SSX2IP: variants seen among roughly 807,000 people sequenced by gnomAD.
The protein encoded by SSX2IP is SSX family member 2 interacting protein, also known as afadin- and alpha-actinin-binding protein.
In SSX2IP, 55 loss-of-function variants were observed where a neutral mutation model predicts 84.9. The observed-to-expected ratio is 0.65, with a 90% CI of 0.52 to 0.81. SSX2IP has a LOEUF of 0.81. Ranked by LOEUF, SSX2IP falls within the 30% of genes least tolerant of loss-of-function variation. The pLI is 0.00. For synonymous variants in SSX2IP, 239 were observed against 234.7 expected (o/e 1.02, Z -0.17); for missense variants, 664 against 705.2 (o/e 0.94, Z 0.66).
chr1:84,652,808 G>A (rs1402424893), intron 11 of SSX2IP, among the ~76,000 whole-genome samples: 2 of 151,812 alleles, frequency 1.3e-5, no homozygotes, highest in Non-Finnish European at 2.9e-5. Context: ...GGTGGATCAC[G>A]AGGTCAGGAG....
chr1:84,679,238 A>T (rs1201084962), intron 1 of SSX2IP, among the ~76,000 whole-genome samples: 1 of 152,254 alleles, frequency 6.6e-6, no homozygotes, highest in East Asian at 1.9e-4. Flanking sequence ...TGATTTTGTT[A>T]TAAAGGAGAC....
chr1:84,689,849 T>C lies in SSX2IP; in HGVS notation c.-90+522A>G, dbSNP rs574915982. Among the ~76,000 whole-genome samples the C allele has an allele frequency of 8.5e-5, 13 of 152,338 alleles. 3 individuals carry two copies. In the South Asian group the frequency reaches 2.5e-3, roughly 29 times the overall value. On this transcript the variant is annotated intron_variant, in intron 1 of 13. Coordinates refer to ENST00000342203, the MANE Select transcript of SSX2IP (RefSeq NM_001166293.2). ...TGATGTAAATTCTTCCCCTAGACTTTTTACTAGACCACTATCGGGGTTCTC... is the reference window on the plus strand; with the variant it reads ...TGATGTAAATTCTTCCCCTAGACTTCTTACTAGACCACTATCGGGGTTCTC...
intron 8 of SSX2IP, among the ~76,000 whole-genome samples, chr1:84,658,827 G>C (rs1236483613): frequency 6.6e-6 from 1 of 152,198 alleles, no homozygotes; most frequent in Non-Finnish European, 1.5e-5. Flanking sequence ...TTACAACTAA[G>C]AGGCAGAACT....
intron 1 of SSX2IP, among the ~76,000 whole-genome samples, chr1:84,689,725 C>A (rs1656315161): frequency 6.6e-6 from 1 of 152,202 alleles, no homozygotes; most frequent in Non-Finnish European, 1.5e-5. Context: ...AGGGAGCTCA[C>A]AATTCAGTTT....
rs767782333 is a variant in SSX2IP, at chr1:84,650,371, G to C, written c.1661C>G (p.Ser554Cys). ...ACCTATAGACAAATACCTATGTTCAGATATGCAGGAACGTGTCTGGCAAAA... is the reference window on the plus strand; with the variant it reads ...ACCTATAGACAAATACCTATGTTCACATATGCAGGAACGTGTCTGGCAAAA... ...SDFCQTRSCI[S>C]EHSSINVLNI... The change falls in exon 13 of 14, where the codon TCT (serine) becomes TGT (cysteine). Residue 554 changes from serine (S) to cysteine (C), a missense_variant. Coordinates refer to ENST00000342203, the MANE Select transcript of SSX2IP (RefSeq NM_001166293.2). 13 of 1,614,170 alleles carry C rather than the reference G, an allele frequency of 8.1e-6. No individual in the cohort carries two copies. The highest frequency in any genetic ancestry group is 1.1e-5 in the Non-Finnish European group (13 of 1,180,024).
At position 84,660,791 on chromosome 1, in the gene SSX2IP, G is replaced by A. The variant is rs187477652; in HGVS notation, c.927+1407C>T. On this transcript the variant is annotated intron_variant, in intron 8 of 13. Transcript: ENST00000342203. Reference sequence around the variant, plus strand: ...AAAAAGGCCAGACGCAGTGGCTGACGCCTGTAATCCTAGCACTTTGGGAGG... The same window carrying A: ...AAAAAGGCCAGACGCAGTGGCTGACACCTGTAATCCTAGCACTTTGGGAGG... Among the ~76,000 whole-genome samples the A allele has an allele frequency of 1.3e-3, 198 of 150,138 alleles. 1 individual carries two copies. In the Middle Eastern group the frequency reaches 0.014, roughly 11 times the overall value.
At chr1:84,660,895 C>CAAAAAA (rs11362631) in intron 8 of SSX2IP, among the ~76,000 whole-genome samples, 19 of 98,044 alleles carry the variant, frequency 1.9e-4, no homozygotes, top group Non-Finnish European at 2.9e-4. Flanking sequence ...TACTAAAATA[C>CAAAAAA]AAAAAAAAAA....
In SSX2IP at chr1:84,656,053, T is replaced by A. The variant is rs967254847; in HGVS notation, c.1216-48A>T. The A allele has an allele frequency of 5.3e-6, 8 of 1,509,446 alleles. No homozygotes were observed. In the African/African-American group the frequency reaches 1.1e-4, roughly 21 times the overall value. 93.5% of individuals were successfully genotyped at this position (1,509,446 alleles called of 1,614,324 possible). On this transcript the variant is annotated intron_variant, in intron 10 of 13. Transcript: ENST00000342203. The stretch of plus-strand genomic sequence containing the variant: ...AAGTTCCTGAGGGACCTTGCGACAC[T>A]CCAACGAGTTGAAATGAAAGCAAGG...
Position 84,650,503 on chromosome 1 carries a change from A to G in SSX2IP, c.1529T>C (p.Val510Ala), listed in dbSNP as rs779757129. The G allele has an allele frequency of 5.0e-6, 8 of 1,614,190 alleles. No individual in the cohort carries two copies. The highest frequency in any genetic ancestry group is 6.8e-6 in the Non-Finnish European group (8 of 1,180,026). The change falls in exon 13 of 14, where the codon GTG becomes GCG. Residue 510 changes from valine (V) to alanine (A), a missense_variant. Val to Ala is a moderately conservative substitution (Grantham distance 64). Transcript: ENST00000342203. ...SGSSDWDNLI[V>A]HSRQPQKKPH... The stretch of plus-strand genomic sequence containing the variant: ...CTTCTTTTGCGGCTGCCTCGAGTGC[A>G]CTATAAGATTGTCCCAATCAGAACC...
chr1:84,662,637 G>A, intron 6 of SSX2IP, 107 bp from the exon 7 acceptor site: 1 of 1,215,702 alleles, frequency 8.2e-7, no homozygotes. Context: ...TGGTATATAG[G>A]TTAGGATTTG....
Position 84,670,777 on chromosome 1 carries a change from T to G in SSX2IP, c.82A>C (p.Met28Leu), listed in dbSNP as rs1350034007. 1.9e-6 allele frequency: 3 copies of G among 1,612,696 alleles called. No homozygotes were observed. Among genetic ancestry groups the G allele is most frequent in the African/African-American group, 1.3e-5 (1 of 74,896 alleles). The change falls in exon 3 of 14, where the codon ATG becomes CTG. Residue 28 changes from methionine to leucine, a missense_variant. Met to Leu is a conservative substitution (Grantham distance 15). Transcript: ENST00000342203. Reference protein sequence around the residue: ...TISQYTSETKMSPSSLYSQQV... With the variant: ...TISQYTSETKLSPSSLYSQQV... The stretch of plus-strand genomic sequence containing the variant: ...TGTGAGTATAAACTTGATGGAGACA[T>G]CTTTGTTTCTGAGGTATATTGAGAG...
chr1:84,671,943 C>T (rs1477643869), intron 1 of SSX2IP, among the ~76,000 whole-genome samples: 1 of 151,880 alleles, frequency 6.6e-6, no homozygotes, highest in Non-Finnish European at 1.5e-5. Flanking sequence ...ATCAAAAGAA[C>T]AAAAATAATG....
rs902612708 is a variant in SSX2IP at position 84,646,114 on chromosome 1, G to A, written c.*1319C>T. 6.6e-6 allele frequency: 1 copy of A among 152,608 alleles called. No homozygotes were observed. The highest frequency in any genetic ancestry group is 6.6e-5 in the Admixed American group (1 of 15,264). The allele number at this position is 152,608 out of a possible 1,614,324, so 9.5% of individuals were successfully genotyped here. Reference sequence around the variant, plus strand: ...TGTAAGCGGCTGAACTGCCAGTACAGGGGAAGGTAAATGGGCCTAAACTAT... The same window carrying A: ...TGTAAGCGGCTGAACTGCCAGTACAAGGGAAGGTAAATGGGCCTAAACTAT... On this transcript the variant is annotated 3_prime_UTR_variant, in exon 14 of 14. Transcript: ENST00000342203.
intron 10 of SSX2IP, 117 bp downstream of exon 10, chr1:84,656,231 G>C: frequency 5.4e-6 from 6 of 1,108,990 alleles, no homozygotes; most frequent in Non-Finnish European, 7.6e-6. Flanking sequence ...AGGGAACACA[G>C]ACTAGAAATC....
chr1:84,657,593 G>A (rs373507186), intron 9 of SSX2IP, among the ~76,000 whole-genome samples: 1 of 152,034 alleles, frequency 6.6e-6, no homozygotes, highest in Admixed American at 6.6e-5. Context: ...CTTTTTGGGG[G>A]GGAACAGGTG....
chr1:84,653,511 A>G (rs1290825525), intron 11 of SSX2IP, among the ~76,000 whole-genome samples: 2 of 152,202 alleles, frequency 1.3e-5, no homozygotes, highest in Non-Finnish European at 2.9e-5. Context: ...ATTCTCTTGC[A>G]GGGAAAGGCA....
Position 84,655,910 on chromosome 1 carries a change from G to T in SSX2IP, c.1311C>A (p.Ser437=), listed in dbSNP as rs1273727114. ...EEKERLKEEW[S]LFKEQKKNFE... is the part of the protein sequence containing the mutation. Reference sequence around the variant, plus strand: ...AATTCTTTTTCTGCTCTTTAAAAAGGGACCATTCTTCTTTGAGACGTTCCT... The same window carrying T: ...AATTCTTTTTCTGCTCTTTAAAAAGTGACCATTCTTCTTTGAGACGTTCCT... Residue 437 remains serine, a synonymous_variant, in exon 11 of 14, where the codon TCC becomes TCA. Coordinates refer to ENST00000342203, the MANE Select transcript of SSX2IP (RefSeq NM_001166293.2). 1.2e-6 allele frequency: 2 copies of T among 1,613,878 alleles called. No individual in the cohort carries two copies. The highest frequency in any genetic ancestry group is 3.3e-5 in the Admixed American group (2 of 60,008).
At chr1:84,671,689 TTTTG>T (rs1187063279) in intron 1 of SSX2IP, among the ~76,000 whole-genome samples, 3 of 152,180 alleles carry the variant, frequency 2.0e-5, no homozygotes, top group African/African-American at 4.8e-5. Flanking sequence ...GCATTTTCAT[TTTTG>T]TTTGTTTTTA....
At chr1:84,684,288 T>C (rs1655490564) in intron 1 of SSX2IP, among the ~76,000 whole-genome samples, 1 of 152,206 alleles carries the variant, frequency 6.6e-6, no homozygotes, top group Non-Finnish European at 1.5e-5. Flanking sequence ...CTCCACGTAA[T>C]TCTGACAAAG....
Sources: allele counts gnomAD v4.1 joint callset (sites outside exome capture counted in the v4.1 genomes callset), GRCh38; gene constraint gnomAD v4.1.1; transcripts MANE v1.5; gene names NCBI Gene and HGNC (gene_info 2026-07-23, HGNC 2026-07-21).